Variants in SCAF4 observed in about 807,000 individuals in gnomAD.
SCAF4 encodes SR-related CTD associated factor 4, also known as SR-related and CTD-associated factor 4.
In SCAF4, 25 loss-of-function variants were observed where a neutral mutation model predicts 129.8. The observed-to-expected ratio is 0.19, with a 90% CI of 0.14 to 0.27. SCAF4 has a LOEUF of 0.27. SCAF4 is among the 10% of genes least tolerant of loss of function. The pLI is 1.00. For missense variants in SCAF4, 1,246 were observed against 1,457.1 expected, an observed-to-expected ratio of 0.86 and a Z score of 2.36; for synonymous variants, 551 against 497.7, an observed-to-expected ratio of 1.11 and a Z score of -1.43.
chr21:31,725,333 A>C (rs1363322236), intron 1 of SCAF4, among the ~76,000 whole-genome samples: 4 of 152,204 alleles, frequency 2.6e-5, no homozygotes, highest in Non-Finnish European at 5.9e-5. Context: ...AATCATCCCT[A>C]GTAATCAACA....
Position 31,672,300 on chromosome 21 carries a change from C to G in SCAF4, c.2543G>C (p.Gly848Ala). 6.2e-7 allele frequency: 1 copy of G among 1,613,854 alleles called. No individual in the cohort carries two copies. Among genetic ancestry groups the G allele is most frequent in the Non-Finnish European group, 8.5e-7 (1 of 1,180,038 alleles). Residue 848 changes from glycine to alanine, a missense_variant, in exon 20 of 20, where the codon GGT becomes GCT. Gly to Ala is a moderately conservative substitution (Grantham distance 60). This residue lies in a region of SCAF4 where 468 missense variants were observed against 605.5 expected (regional missense o/e 0.77). Transcript: ENST00000286835. The stretch of plus-strand genomic sequence containing the variant: ...GAGACCGGGCCGGGCGCCAAGAAGA[C>G]CAGTAGATGGTGCCTGAAGTCCAAT... ...PVIGLQAPSTGLLGARPGLIP... is the reference protein window; with the variant it reads ...PVIGLQAPSTALLGARPGLIP...
intron 1 of SCAF4, among the ~76,000 whole-genome samples, chr21:31,707,591 T>G (rs1056446978): frequency 1.3e-5 from 2 of 152,248 alleles, no homozygotes; most frequent in Non-Finnish European, 2.9e-5. Flanking sequence ...TACCTGGGAC[T>G]TCCAAAAGAT....
intron 14 of SCAF4, 47 bp from the exon 15 acceptor site, chr21:31,691,000 G>GT (rs1422000122): frequency 6.6e-6 from 10 of 1,525,642 alleles, no homozygotes; most frequent in African/African-American, 2.8e-5. Context: ...AAGCAAGGTC[G>GT]TAAGTCTTGA....
At chr21:31,677,974 C>G (rs144595324) in intron 19 of SCAF4, among the ~76,000 whole-genome samples, 2 of 152,140 alleles carry the variant, frequency 1.3e-5, no homozygotes, top group African/African-American at 4.8e-5. Flanking sequence ...ACTATGTCTA[C>G]CTTAGTCTCA....
chr21:31,723,461 CAAAACAAAACAAACAAAACAA>C (rs1248873379), intron 1 of SCAF4, among the ~76,000 whole-genome samples: 2 of 150,458 alleles, frequency 1.3e-5, no homozygotes, highest in Non-Finnish European at 3.0e-5. Context: ...TCAAAAAAAA[CAAAACAAAACAAACAAAACAA>C]AAAACAAAAC....
Position 31,696,633 on chromosome 21 carries a change from T to C in SCAF4, c.895A>G (p.Thr299Ala), listed in dbSNP as rs747474281. 1.9e-6 allele frequency: 3 copies of C among 1,611,724 alleles called. No individual in the cohort carries two copies. The highest frequency in any genetic ancestry group is 2.5e-6 in the Non-Finnish European group (3 of 1,179,070). ...GCAGCAGCAGCAGGCACGGTGGCGG[T>C]GGGTGCAGGGGGTACTGCGGCAGCA... Reference protein sequence around the residue: ...APAAAVPPAPTATVPAAAAPA... With the variant: ...APAAAVPPAPAATVPAAAAPA... Residue 299 changes from threonine to alanine, a missense_variant, in exon 8 of 20, where the codon ACC (threonine) becomes GCC (alanine). This residue lies in a region of SCAF4 where 236 missense variants were observed against 210.0 expected (regional missense o/e 1.12). Coordinates refer to ENST00000286835, the MANE Select transcript of SCAF4 (RefSeq NM_020706.2).
At chr21:31,709,596 A>T (rs1243112970) in intron 1 of SCAF4, among the ~76,000 whole-genome samples, 1 of 152,188 alleles carries the variant, frequency 6.6e-6, no homozygotes, top group Non-Finnish European at 1.5e-5. Context: ...CTATTTAAAA[A>T]ATTAAAAGTA....
rs774361140 is a variant in SCAF4 at position 31,694,938 on chromosome 21, G to C, written c.1111C>G (p.Leu371Val). The change falls in exon 10 of 20, where the codon CTT (leucine) becomes GTT (valine). Residue 371 changes from leucine to valine, a missense_variant. Coordinates refer to ENST00000286835, the MANE Select transcript of SCAF4 (RefSeq NM_020706.2). ...ATGGGAGGAAATGGAGGTGTAGGAA[G>C]AAGTCCAAATCCTGGCATTTGTCCA... is the stretch of plus-strand genomic sequence containing the variant. ...PNGQMPGFGL[L>V]PTPPFPPMAQ... 7 of 1,613,986 alleles carry C rather than the reference G, an allele frequency of 4.3e-6. No homozygotes were observed. The South Asian group carries it at 7.7e-5, about 18-fold the overall frequency.
At chr21:31,688,155 A>T in intron 16 of SCAF4, 152 bp downstream of exon 16, 1 of 400,038 alleles carries the variant, frequency 2.5e-6, no homozygotes, top group East Asian at 4.5e-5. Context: ...AGTGAAGAAT[A>T]TAAAATTTAA....
intron 19 of SCAF4, chr21:31,684,788 C>A: frequency 2.2e-6 from 1 of 461,782 alleles, no homozygotes. Flanking sequence ...ATGTGAAGAT[C>A]CAAACTTTTA....
At chr21:31,731,591 T>G in intron 1 of SCAF4, 72 bp downstream of exon 1, 1 of 1,537,106 alleles carries the variant, frequency 6.5e-7, no homozygotes. Flanking sequence ...GCTTTAAACC[T>G]CCGGCGGCGG....
chr21:31,685,831 T>C, intron 16 of SCAF4, 98 bp from the exon 17 acceptor site: 3 of 1,214,286 alleles, frequency 2.5e-6, no homozygotes, highest in Non-Finnish European at 3.4e-6. Flanking sequence ...AAAATAGATG[T>C]TTCTTAATTT....
chr21:31,727,603 C>T (rs771248277), intron 1 of SCAF4, among the ~76,000 whole-genome samples: 48 of 152,000 alleles, frequency 3.2e-4, no homozygotes, highest in Non-Finnish European at 5.3e-4. Flanking sequence ...TCCATCCTGG[C>T]CAACATGGTG....
Position 31,684,776 on chromosome 21 carries a change from G to C in SCAF4, c.2488+273C>G, listed in dbSNP as rs980567623. 8.9e-6 allele frequency: 4 copies of C among 447,604 alleles called. No individual in the cohort carries two copies. In the Admixed American group the frequency reaches 1.5e-4, roughly 16 times the overall value. The allele number at this position is 447,604 out of a possible 1,614,324, so 27.7% of individuals were successfully genotyped here. A position where few individuals can be genotyped will look rare whatever the true frequency, so the allele number is the denominator to read the frequency against. ...TTAATCATTTTTCTATACCAAATAA[G>C]GATGTGAAGATCCAAACTTTTATTC... On this transcript the variant is annotated intron_variant, in intron 19 of 19. Coordinates refer to ENST00000286835, the MANE Select transcript of SCAF4 (RefSeq NM_020706.2).
chr21:31,698,991 T>C (rs1342555750), intron 7 of SCAF4, among the ~76,000 whole-genome samples: 1 of 151,992 alleles, frequency 6.6e-6, no homozygotes. Context: ...ATACACTTCA[T>C]GATAAATGAA....
chr21:31,706,589 G>A (rs556048853), intron 1 of SCAF4: 130 of 500,960 alleles, frequency 2.6e-4, no homozygotes, highest in African/African-American at 8.8e-4. Context: ...AAGGGGTGGC[G>A]AAGGGGTAGT....
At chr21:31,717,902 TATACACACACACACACACAC>T (rs1291274945) in intron 1 of SCAF4, among the ~76,000 whole-genome samples, 3 of 95,548 alleles carry the variant, frequency 3.1e-5, no homozygotes, top group African/African-American at 8.5e-5. Context: ...TATACACATA[TATACACACACACACACACAC>T]ACACACACAC....
rs2051225778 is a variant in SCAF4 at position 31,727,138 on chromosome 21, G to A, written c.30+4525C>T. ...CTGTTGCCCAAGCTGGAGTGCAGTG[G>A]CCCAATCTCGGTTCACTGCAACCTC... On this transcript the variant is annotated intron_variant, in intron 1 of 19. Transcript: ENST00000286835. Among the ~76,000 whole-genome samples the A allele has an allele frequency of 2.0e-5, 3 of 151,918 alleles. 1 individual carries two copies. The highest frequency in any genetic ancestry group is 2.0e-4 in the Admixed American group (3 of 15,258).
rs1433119683 is a variant in SCAF4, at chr21:31,694,895, G to A, written c.1154C>T (p.Pro385Leu). Residue 385 changes from proline to leucine, a missense_variant, in exon 10 of 20, where the codon CCT becomes CTT. Around this residue, in one of 6 missense-constraint regions of SCAF4, gnomAD observed 236 missense variants for 210.0 expected, o/e 1.12. Transcript: ENST00000286835. ...AGGCTGCTGCACTGGTGGAGTTGGA[G>A]GAATCACAGGCTGAGCCATGGGAGG... is the stretch of plus-strand genomic sequence containing the variant. ...PFPPMAQPVIPPTPPVQQPFQ... is the reference protein window; with the variant it reads ...PFPPMAQPVILPTPPVQQPFQ... 6.2e-7 allele frequency: 1 copy of A among 1,614,124 alleles called. No homozygotes were observed. The highest frequency in any genetic ancestry group is 8.5e-7 in the Non-Finnish European group (1 of 1,179,962).
Sources: gnomAD v4.1 joint callset for allele counts (sites outside exome capture counted in the v4.1 genomes callset) on GRCh38, gnomAD v4.1.1 for gene constraint, gnomAD v4.1.1 regional missense constraint, MANE v1.5 for transcripts, NCBI Gene and HGNC (gene_info 2026-07-23, HGNC 2026-07-21) for gene names.